PLOD3: variants seen among roughly 807,000 people sequenced by gnomAD.
PLOD3 encodes the protein procollagen-lysine,2-oxoglutarate 5-dioxygenase 3, also known as multifunctional procollagen lysine hydroxylase and glycosyltransferase LH3.
A neutral mutation model predicts 96.9 loss-of-function variants in PLOD3; 73 were observed. The observed-to-expected ratio is 0.75, with a 90% confidence interval of 0.62 to 0.92. The LOEUF is 0.92. Among genes scored for constraint, PLOD3 ranks in the 40% least tolerant of loss-of-function variants. PLOD3 has a pLI of 0.00. For synonymous variants in PLOD3, 454 were observed against 413.7 expected, an observed-to-expected ratio of 1.10 and a Z score of -1.18; for missense variants, 1,004 against 1,004.3, an observed-to-expected ratio of 1.00 and a Z score of 0.00.
rs769649578 is a variant in PLOD3, at chr7:101,211,656, G to T, written c.1293C>A (p.Ala431=). The change falls in exon 12 of 19, where the codon GCC becomes GCA. Residue 431 remains alanine, a synonymous_variant. Transcript: ENST00000223127. ...HGKLWSNFWG[A]LSPDEYYARS... ...GGGCGTAGTACTCATCGGGGCTCAG[G>T]GCGCCCCAGAAGTTGGACCACAGCT... 1.2e-6 allele frequency: 2 copies of T among 1,607,220 alleles called. No individual in the cohort carries two copies. The highest frequency in any genetic ancestry group is 2.7e-5 in the African/African-American group (2 of 74,986).
intron 6 of PLOD3, among the ~76,000 whole-genome samples, chr7:101,214,328 G>A (rs552621824): frequency 4.7e-5 from 7 of 149,434 alleles, no homozygotes; most frequent in South Asian, 2.1e-4. Flanking sequence ...ACGGGTTTTC[G>A]CCATGTTGGC....
At chr7:101,212,228 C>T (rs1487679203) in intron 10 of PLOD3, 25 bp downstream of exon 10, 3 of 1,610,220 alleles carry the variant, frequency 1.9e-6, no homozygotes, top group East Asian at 4.5e-5. Flanking sequence ...ATCCCACCCT[C>T]TCCTCCCCGC....
At chr7:101,211,549 CG>C in intron 12 of PLOD3, 41 bp downstream of exon 12, 3 of 1,577,034 alleles carry the variant, frequency 1.9e-6, no homozygotes, top group Middle Eastern at 3.4e-4. Context: ...ACCTGGGCCC[CG>C]GGTCGGAGGA....
intron 16 of PLOD3, among the ~76,000 whole-genome samples, chr7:101,207,937 TCCC>T (rs1170308432): frequency 1.3e-5 from 2 of 152,050 alleles, no homozygotes; most frequent in African/African-American, 4.8e-5. Context: ...TCCCTACTCC[TCCC>T]AAGTCTGGGT....
In PLOD3 at chr7:101,216,404, C is replaced by T. The variant is rs772274191; in HGVS notation, c.338+6G>A. On this transcript the variant is annotated splice_donor_region_variant and intron_variant, in intron 3 of 18. Coordinates refer to ENST00000223127, the MANE Select transcript of PLOD3 (RefSeq NM_001084.5). ...TTACCCCGCTCCCTATCCCCAGCCC[C>T]GTTACCTATCCACAAACATGATGAT... is the stretch of plus-strand genomic sequence containing the variant. 8.1e-6 allele frequency: 13 copies of T among 1,614,010 alleles called. No individual in the cohort carries two copies. The Admixed American group carries it at 8.3e-5, about 10-fold the overall frequency.
intron 17 of PLOD3, 54 bp downstream of exon 17, chr7:101,207,524 G>A (rs771389847): frequency 2.2e-5 from 35 of 1,589,140 alleles, no homozygotes; most frequent in Non-Finnish European, 2.9e-5. Flanking sequence ...GAGACTTCCT[G>A]TCCGGGACTG....
chr7:101,206,473 G>T (rs1204556289), intron 18 of PLOD3, 37 bp from the exon 19 acceptor site: 7 of 1,558,474 alleles, frequency 4.5e-6, no homozygotes, highest in Non-Finnish European at 6.1e-6. Context: ...GGAGTGAGCA[G>T]ACGTGGGGCC....
rs185717026 is a variant in PLOD3 at position 101,211,993 on chromosome 7, C to A, written c.1128-43G>T. The A allele has an allele frequency of 2.9e-4, 394 of 1,369,604 alleles. 2 individuals are homozygous for A. The African/African-American group carries it at 4.8e-3, about 17-fold the overall frequency. 84.8% of individuals were successfully genotyped at this position (1,369,604 alleles called of 1,614,324 possible). A position where few individuals can be genotyped will look rare whatever the true frequency, so the allele number is the denominator to read the frequency against. ...GCTGAGACGGCGGCAGGTGGGGAGG[C>A]GGTGTGGATGGGGTAACTGGCCCAT... On this transcript the variant is annotated intron_variant, in intron 10 of 18. Transcript: ENST00000223127.
chr7:101,208,830 G>A (rs527527582), intron 16 of PLOD3, 23 bp downstream of exon 16: 2 of 1,479,286 alleles, frequency 1.4e-6, no homozygotes, highest in East Asian at 2.3e-5. Flanking sequence ...GAAGGCCTCT[G>A]CCCTCCTCGC....
intron 5 of PLOD3, 113 bp from the exon 6 acceptor site, chr7:101,215,265 G>A (rs1798249975): frequency 2.4e-6 from 2 of 837,494 alleles, no homozygotes; most frequent in Admixed American, 1.8e-5. Context: ...TTAGGCTGGA[G>A]TGCAATGGCA....
At chr7:101,212,713 AC>A in intron 8 of PLOD3, 58 bp from the exon 9 acceptor site, 2 of 1,606,096 alleles carry the variant, frequency 1.2e-6, no homozygotes, top group Non-Finnish European at 1.7e-6. Flanking sequence ...TGCTGCCCCC[AC>A]CCAACCTCCA....
Position 101,210,146 on chromosome 7 carries a change from A to G in PLOD3, c.1630T>C (p.Tyr544His). ...FDNPVDWKEQ[Y>H]IHENYSRALE... ...GCCCGGCTGTAGTTCTCGTGGATGTACTGCTCCTTCCAGTCCTGTGAGAGG... is the reference window on the plus strand; with the variant it reads ...GCCCGGCTGTAGTTCTCGTGGATGTGCTGCTCCTTCCAGTCCTGTGAGAGG... The change falls in exon 15 of 19, where the codon TAC becomes CAC. Residue 544 changes from tyrosine to histidine, a missense_variant. Tyr to His is a moderately conservative substitution (Grantham distance 83). Around this residue, in one of 5 missense-constraint regions of PLOD3, gnomAD observed 65 missense variants for 68.8 expected, o/e 0.94. Coordinates refer to ENST00000223127, the MANE Select transcript of PLOD3 (RefSeq NM_001084.5). 6.2e-7 allele frequency: 1 copy of G among 1,607,864 alleles called. No homozygotes were observed. The highest frequency in any genetic ancestry group is 2.2e-5 in the East Asian group (1 of 44,698).
rs1431312094 is a variant in PLOD3 at position 101,206,007 on chromosome 7, G to C, written c.*274C>G. On this transcript the variant is annotated 3_prime_UTR_variant, in exon 19 of 19. Coordinates refer to ENST00000223127, the MANE Select transcript of PLOD3 (RefSeq NM_001084.5). The stretch of plus-strand genomic sequence containing the variant: ...ACTTACAAACTGTCCTTTATTCAGA[G>C]TGAGACTGCGGAACATTAATAATTT... The C allele has an allele frequency of 3.6e-6, 2 of 553,192 alleles. No individual in the cohort carries two copies. Among genetic ancestry groups the C allele is most frequent in the Non-Finnish European group, 6.5e-6 (2 of 307,796 alleles). 34.3% of individuals were successfully genotyped at this position (553,192 alleles called of 1,614,324 possible). A position where few individuals can be genotyped will look rare whatever the true frequency, so the allele number is the denominator to read the frequency against.
chr7:101,217,121 C>G, intron 1 of PLOD3, 45 bp downstream of exon 1: 1 of 1,438,440 alleles, frequency 7.0e-7, no homozygotes, highest in Non-Finnish European at 9.1e-7. Context: ...GCAGGCACGC[C>G]AGCCTCTGCC....
chr7:101,206,122 C>T lies in PLOD3; in HGVS notation c.*159G>A. On this transcript the variant is annotated 3_prime_UTR_variant, in exon 19 of 19. Coordinates refer to ENST00000223127, the MANE Select transcript of PLOD3 (RefSeq NM_001084.5). Reference sequence around the variant, plus strand: ...GGACTCCGGGAGCTTCCTGAGAGGGCCGTGTCTTGGGAGCAAGGTGACATA... The same window carrying T: ...GGACTCCGGGAGCTTCCTGAGAGGGTCGTGTCTTGGGAGCAAGGTGACATA... 1.2e-6 allele frequency: 1 copy of T among 828,124 alleles called. No individual in the cohort carries two copies. The highest frequency in any genetic ancestry group is 2.1e-6 in the Non-Finnish European group (1 of 486,196). 51.3% of individuals were successfully genotyped at this position (828,124 alleles called of 1,614,324 possible). A position where few individuals can be genotyped will look rare whatever the true frequency, so the allele number is the denominator to read the frequency against.
rs772361467 is a variant in PLOD3, at chr7:101,215,971, C to T, written c.552G>A (p.Lys184=). ...GCTGGTCGTCGTCATCATCCTTGTA[C>T]TTCCACTGGCGCACGATTTGGTGGA... ...TTIHQIVRQW[K]YKDDDDDQLF... Residue 184 remains lysine (K), a synonymous_variant, in exon 5 of 19, where the codon AAG becomes AAA. Transcript: ENST00000223127. 4 of 1,614,154 alleles carry T rather than the reference C, an allele frequency of 2.5e-6. No homozygotes were observed. The highest frequency in any genetic ancestry group is 3.4e-6 in the Non-Finnish European group (4 of 1,180,006).
intron 5 of PLOD3, among the ~76,000 whole-genome samples, chr7:101,215,483 G>A (rs933983345): frequency 3.3e-5 from 5 of 152,148 alleles, no homozygotes; most frequent in African/African-American, 1.2e-4. Flanking sequence ...AAAGTGCTGG[G>A]ATTATAGGCA....
chr7:101,213,761 C>T (rs894535632), intron 6 of PLOD3, among the ~76,000 whole-genome samples: 4 of 152,088 alleles, frequency 2.6e-5, no homozygotes, highest in African/African-American at 9.7e-5. Context: ...TGCAGTGGCA[C>T]GATCTTGGCT....
intron 9 of PLOD3, 39 bp from the exon 10 acceptor site, chr7:101,212,413 A>T: frequency 6.3e-7 from 1 of 1,594,602 alleles, no homozygotes; most frequent in Middle Eastern, 1.7e-4. Flanking sequence ...CTCAGAGGGC[A>T]GGGAGGCGGC....
Sources: gnomAD v4.1 joint callset for allele counts (sites outside exome capture counted in the v4.1 genomes callset) on GRCh38, gnomAD v4.1.1 for gene constraint, gnomAD v4.1.1 regional missense constraint, MANE v1.5 for transcripts, NCBI Gene and HGNC (gene_info 2026-07-23, HGNC 2026-07-21) for gene names.